TOPBP1: variants seen among roughly 807,000 people sequenced by gnomAD.
TOPBP1 encodes DNA topoisomerase 2-binding protein 1.
Under a neutral mutation model 167.7 loss-of-function variants are expected in TOPBP1, and 28 were observed. The ratio of observed to expected loss-of-function variants is 0.17; its 90% CI spans 0.12 to 0.23. TOPBP1 has a LOEUF of 0.23. Among genes scored for constraint, TOPBP1 ranks in the 10% least tolerant of loss-of-function variants. TOPBP1 has a pLI of 1.00. For missense variants in TOPBP1, 1,554 were observed against 1,809.6 expected (o/e 0.86, Z 2.56); for synonymous variants, 598 against 611.4 (o/e 0.98, Z 0.32).
chr3:133,649,968 TACATA>T, intron 8 of TOPBP1, 25 bp from the exon 9 acceptor site: 1 of 1,518,724 alleles, frequency 6.6e-7, no homozygotes, highest in Non-Finnish European at 8.8e-7. Context: ...ATATTTAATA[TACATA>T]ACATGCTTTC....
chr3:133,617,702 G>T (rs758011902), intron 21 of TOPBP1, among the ~76,000 whole-genome samples: 2 of 151,956 alleles, frequency 1.3e-5, no homozygotes, highest in Non-Finnish European at 2.9e-5. Flanking sequence ...TATCTAATGG[G>T]AGGTCATCAT....
Position 133,657,799 on chromosome 3 carries a change from C to CT in TOPBP1, c.361dup (p.Arg121LysfsTer6). The CT allele has an allele frequency of 6.5e-7, 1 of 1,533,426 alleles. No individual in the cohort carries two copies. The highest frequency in any genetic ancestry group is 8.7e-7 in the Non-Finnish European group (1 of 1,147,382). 95.0% of individuals were successfully genotyped at this position (1,533,426 alleles called of 1,614,324 possible). A position where few individuals can be genotyped will look rare whatever the true frequency, so the allele number is the denominator to read the frequency against. On this transcript the variant is annotated frameshift_variant and splice_region_variant, in exon 4 of 28. Transcript: ENST00000260810. LOFTEE classifies it high-confidence loss of function. ...AATCATCATGAGATCAATATCTACC[C>CT]TTTTTTCTTTTTCCAGACTTGTACA...
chr3:133,614,994 A>T (rs1358414540), intron 23 of TOPBP1, among the ~76,000 whole-genome samples: 1 of 150,790 alleles, frequency 6.6e-6, no homozygotes, highest in Non-Finnish European at 1.5e-5. Context: ...ATAAAAAAAT[A>T]AAAAAAAATA....
At chr3:133,609,036 T>C in intron 25 of TOPBP1, 74 bp from the exon 26 acceptor site, 3 of 1,178,108 alleles carry the variant, frequency 2.5e-6, no homozygotes, top group Non-Finnish European at 3.6e-6. Flanking sequence ...CATGATTTTA[T>C]CTGTAGACTT....
intron 5 of TOPBP1, 118 bp from the exon 6 acceptor site, chr3:133,655,604 C>G (rs1161411294): frequency 1.9e-6 from 1 of 536,814 alleles, no homozygotes; most frequent in Non-Finnish European, 3.0e-6. Flanking sequence ...CTTTTTTTTA[C>G]AAAGGAGAAC....
chr3:133,623,016 A>G, intron 19 of TOPBP1, 75 bp downstream of exon 19: 1 of 824,518 alleles, frequency 1.2e-6, no homozygotes, highest in South Asian at 2.0e-5. Context: ...GCAAGATGAC[A>G]AGACCCCATC....
chr3:133,633,600 G>A (rs1438082322), intron 14 of TOPBP1, among the ~76,000 whole-genome samples: 2 of 152,134 alleles, frequency 1.3e-5, no homozygotes, highest in African/African-American at 4.8e-5. Context: ...AGGCCAGTCT[G>A]AGCAATGTGG....
At chr3:133,620,932 C>T (rs1395239275) in intron 19 of TOPBP1, among the ~76,000 whole-genome samples, 2 of 152,062 alleles carry the variant, frequency 1.3e-5, no homozygotes, top group African/African-American at 4.8e-5. Context: ...AAGCTCCCTG[C>T]CTGCTTCTGA....
intron 23 of TOPBP1, among the ~76,000 whole-genome samples, chr3:133,613,441 C>A (rs1161945794): frequency 6.6e-6 from 1 of 152,064 alleles, no homozygotes; most frequent in Admixed American, 6.5e-5. Flanking sequence ...GTCTCAATTA[C>A]AAAAGCAGTT....
At chr3:133,654,670 T>A (rs1169667320) in intron 6 of TOPBP1, among the ~76,000 whole-genome samples, 2 of 152,174 alleles carry the variant, frequency 1.3e-5, no homozygotes, top group African/African-American at 2.4e-5. Flanking sequence ...ATTTTAAGAG[T>A]GCTGATAAAA....
intron 25 of TOPBP1, among the ~76,000 whole-genome samples, chr3:133,609,559 A>T (rs536537857): frequency 6.6e-6 from 1 of 152,118 alleles, no homozygotes; most frequent in South Asian, 2.1e-4. Context: ...GTGTTGGGGG[A>T]GGGACCTCGT....
intron 5 of TOPBP1, among the ~76,000 whole-genome samples, chr3:133,655,919 T>A (rs921632635): frequency 6.6e-6 from 1 of 152,126 alleles, no homozygotes; most frequent in Non-Finnish European, 1.5e-5. Context: ...TCTGTTGCCA[T>A]GCTAGGGAGG....
In TOPBP1 at chr3:133,638,042, C is replaced by T. The variant is rs1470437606; in HGVS notation, c.2354G>A (p.Arg785His). 18 of 1,613,810 alleles carry T rather than the reference C, an allele frequency of 1.1e-5. No homozygotes were observed. Among genetic ancestry groups the T allele is most frequent in the African/African-American group, 2.7e-5 (2 of 74,894 alleles). The change falls in exon 14 of 28, where the codon CGC (arginine) becomes CAC (histidine). Residue 785 changes from arginine (R) to histidine (H), a missense_variant. Transcript: ENST00000260810. ...AGCACGGAAAGCTTTACTCTGAAAGCGGTTCATATCTAAAGGTGTAACGAC... is the reference window on the plus strand; with the variant it reads ...AGCACGGAAAGCTTTACTCTGAAAGTGGTTCATATCTAAAGGTGTAACGAC... Reference protein sequence around the residue: ...KTVVTPLDMNRFQSKAFRAVV... With the variant: ...KTVVTPLDMNHFQSKAFRAVV...
Position 133,661,852 on chromosome 3 carries a change from G to A in TOPBP1, c.-91C>T, listed in dbSNP as rs1433421376. 5.3e-5 allele frequency: 8 copies of A among 152,290 alleles called. No homozygotes were observed. The highest frequency in any genetic ancestry group is 1.9e-4 in the African/African-American group (8 of 41,456). 9.4% of individuals were successfully genotyped at this position (152,290 alleles called of 1,614,324 possible). A position where few individuals can be genotyped will look rare whatever the true frequency, so the allele number is the denominator to read the frequency against. On this transcript the variant is annotated 5_prime_UTR_variant, in exon 1 of 28. Coordinates refer to ENST00000260810, the MANE Select transcript of TOPBP1 (RefSeq NM_007027.4). ...GGTGGCTGGGGTCGGGCGCCAGCCC[G>A]GCGCACAGCCCCCTCCCCCGACTCG...
chr3:133,642,978 T>C (rs1232767623), intron 12 of TOPBP1, among the ~76,000 whole-genome samples: 1 of 152,152 alleles, frequency 6.6e-6, no homozygotes, highest in Non-Finnish European at 1.5e-5. Flanking sequence ...CCCACTGCAG[T>C]TATTACCTCT....
chr3:133,613,941 C>T (rs1223536520), intron 23 of TOPBP1, among the ~76,000 whole-genome samples: 3 of 151,816 alleles, frequency 2.0e-5, no homozygotes, highest in Non-Finnish European at 2.9e-5. Context: ...TACAGGTGCC[C>T]GCCACCACAC....
chr3:133,623,529 A>G (rs1309165299), intron 17 of TOPBP1, 72 bp from the exon 18 acceptor site: 1 of 1,481,584 alleles, frequency 6.7e-7, no homozygotes, highest in East Asian at 2.4e-5. Flanking sequence ...AAGTAGGATA[A>G]GGACAAGCAA....
In TOPBP1 at chr3:133,644,148, T is replaced by C. The variant is rs764673964; in HGVS notation, c.1720A>G (p.Ile574Val). The change falls in exon 11 of 28, where the codon ATC becomes GTC. Residue 574 changes from isoleucine to valine, a missense_variant. Ile to Val is a conservative substitution (Grantham distance 29). Transcript: ENST00000260810. The part of the protein sequence containing the change: ...SNENESNIAN[I>V]IKENAGKIMS... Reference sequence around the variant, plus strand: ...ATTTTCCCAGCATTTTCTTTTATGATGTTTGCGATGTTAGATTCATTTTCA... The same window carrying C: ...ATTTTCCCAGCATTTTCTTTTATGACGTTTGCGATGTTAGATTCATTTTCA... 2.5e-6 allele frequency: 4 copies of C among 1,613,966 alleles called. No homozygotes were observed. The highest frequency in any genetic ancestry group is 3.4e-6 in the Non-Finnish European group (4 of 1,179,870).
rs1315899716 is a variant in TOPBP1, at chr3:133,611,067, T to G, written c.4110A>C (p.Leu1370=). 2 of 1,613,590 alleles carry G rather than the reference T, an allele frequency of 1.2e-6. No homozygotes were observed. Among genetic ancestry groups the G allele is most frequent in the Admixed American group, 3.3e-5 (2 of 60,002 alleles). The change falls in exon 25 of 28, where the codon CTA becomes CTC. Residue 1370 remains leucine (L), a synonymous_variant. Coordinates refer to ENST00000260810, the MANE Select transcript of TOPBP1 (RefSeq NM_007027.4). ...LTGINVQQRR[L]ALAAMRWRKK... Reference sequence around the variant, plus strand: ...TTCTCCATCTCATTGCTGCAAGTGCTAGTCTTCGTTGCTGTACATTGATTC... The same window carrying G: ...TTCTCCATCTCATTGCTGCAAGTGCGAGTCTTCGTTGCTGTACATTGATTC...
Sources: gnomAD v4.1 joint callset for allele counts (sites outside exome capture counted in the v4.1 genomes callset) on GRCh38, gnomAD v4.1.1 for gene constraint, MANE v1.5 for transcripts, NCBI Gene and HGNC (gene_info 2026-07-23, HGNC 2026-07-21) for gene names.